Variants in NNT observed in about 807,000 individuals in gnomAD.
NNT encodes the protein NAD(P) transhydrogenase, mitochondrial.
Under a neutral mutation model 104.8 loss-of-function variants are expected in NNT, and 50 were observed. That is an observed-to-expected ratio of 0.48 (90% CI 0.38 to 0.60). NNT has a LOEUF of 0.60. Among genes scored for constraint, NNT ranks in the 20% least tolerant of loss-of-function variants. The pLI, the probability that NNT is intolerant of heterozygous loss-of-function variation, is 0.00. For missense variants in NNT, 1,131 were observed against 1,330.7 expected, an observed-to-expected ratio of 0.85 and a Z score of 2.33; for synonymous variants, 461 against 490.4, an observed-to-expected ratio of 0.94 and a Z score of 0.79.
In NNT at chr5:43,605,271, CT is replaced by C. The variant is rs545839220; in HGVS notation, c.-54+1980del. On this transcript the variant is annotated intron_variant, in intron 1 of 21. Transcript: ENST00000344920. ...GTGGCTCACGCCTGTAATCCCAGCACTTTGGGAGGCCGAGGCGGGTGGATCA... is the reference window on the plus strand; with the variant it reads ...GTGGCTCACGCCTGTAATCCCAGCACTTGGGAGGCCGAGGCGGGTGGATCA... 3.3e-5 allele frequency among the ~76,000 whole-genome samples: 5 copies of C among 151,638 alleles called. No individual in the cohort carries two copies. The South Asian group carries it at 1.0e-3, about 32-fold the overall frequency.
chr5:43,659,427 A>G, intron 17 of NNT, 77 bp downstream of exon 17: 2 of 1,244,726 alleles, frequency 1.6e-6, no homozygotes, highest in Non-Finnish European at 2.2e-6. Context: ...TTCTTTTATT[A>G]CCCATAAAAA....
chr5:43,621,623 TG>T (rs1433155293), intron 5 of NNT, among the ~76,000 whole-genome samples: 3 of 152,012 alleles, frequency 2.0e-5, no homozygotes, highest in Non-Finnish European at 2.9e-5. Flanking sequence ...CAGGCTGATC[TG>T]GAACTCCTGA....
chr5:43,662,058 G>A (rs1030927385), intron 17 of NNT, among the ~76,000 whole-genome samples: 9 of 152,178 alleles, frequency 5.9e-5, no homozygotes, highest in African/African-American at 2.2e-4. Context: ...TGCTGATATG[G>A]GGAGAGGAGG....
chr5:43,670,381 C>A (rs1218193059), intron 17 of NNT, among the ~76,000 whole-genome samples: 2 of 152,084 alleles, frequency 1.3e-5, no homozygotes, highest in African/African-American at 2.4e-5. Context: ...GTTAGGGTGT[C>A]AATTTTAGAT....
intron 17 of NNT, among the ~76,000 whole-genome samples, chr5:43,663,054 A>G (rs1740454777): frequency 6.6e-6 from 1 of 152,152 alleles, no homozygotes; most frequent in Admixed American, 6.5e-5. Context: ...AATACATTCT[A>G]TTTAATATAT....
rs1447474416 is a variant in NNT at position 43,655,960 on chromosome 5, C to G, written c.2180C>G (p.Pro727Arg). ...ATAGCTGAGTACATTATAGAATATC[C>G]ACATTTTGCTACGGATGCAGCAGCA... is the stretch of plus-strand genomic sequence containing the variant. ...TCIAEYIIEY[P>R]HFATDAAANL... The change falls in exon 15 of 22, where the codon CCA becomes CGA. Residue 727 changes from proline to arginine, a missense_variant. Coordinates refer to ENST00000344920, the MANE Select transcript of NNT (RefSeq NM_182977.3). The G allele has an allele frequency of 1.9e-6, 3 of 1,614,134 alleles. No individual in the cohort carries two copies. Among genetic ancestry groups the G allele is most frequent in the Non-Finnish European group, 8.5e-7 (1 of 1,180,022 alleles).
chr5:43,698,852 GCACA>G (rs994742046), intron 19 of NNT, among the ~76,000 whole-genome samples: 2 of 147,508 alleles, frequency 1.4e-5, no homozygotes, highest in African/African-American at 2.5e-5. Flanking sequence ...GCACACACAT[GCACA>G]CACACACATA....
chr5:43,676,331 T>A (rs759512488), intron 18 of NNT, among the ~76,000 whole-genome samples: 3 of 152,244 alleles, frequency 2.0e-5, no homozygotes, highest in African/African-American at 7.2e-5. Context: ...AGATTTTAAC[T>A]CTATCATGTT....
intron 7 of NNT, among the ~76,000 whole-genome samples, chr5:43,641,033 C>T (rs1275555240): frequency 6.6e-6 from 1 of 151,762 alleles, no homozygotes; most frequent in East Asian, 1.9e-4. Context: ...TAATTCTTAT[C>T]TTTCTAGAGT....
chr5:43,706,782 A>G lies in NNT; in HGVS notation c.*2378A>G, dbSNP rs1005974583. On this transcript the variant is annotated 3_prime_UTR_variant, in exon 22 of 22. Transcript: ENST00000344920. ...GTGCACATATACACCATGGAATACT[A>G]TGCAGCCATAAAAAAGGATGAGTTC... 14 of 152,252 alleles carry G rather than the reference A, an allele frequency of 9.2e-5. No individual in the cohort carries two copies. The highest frequency in any genetic ancestry group is 6.5e-4 in the Admixed American group (10 of 15,288). The allele number at this position is 152,252 out of a possible 1,614,324, so 9.4% of individuals were successfully genotyped here. A position where few individuals can be genotyped will look rare whatever the true frequency, so the allele number is the denominator to read the frequency against.
chr5:43,696,123 C>T (rs896061892), intron 19 of NNT, among the ~76,000 whole-genome samples: 2 of 152,152 alleles, frequency 1.3e-5, no homozygotes, highest in African/African-American at 4.8e-5. Flanking sequence ...AGTCCAAAGT[C>T]TCATATGAGA....
intron 6 of NNT, among the ~76,000 whole-genome samples, chr5:43,626,117 C>G (rs949808347): frequency 2.6e-5 from 4 of 151,590 alleles, no homozygotes; most frequent in Admixed American, 2.0e-4. Flanking sequence ...GCCCTCTATC[C>G]ATGTTCTATT....
chr5:43,649,715 C>A (rs1739652601), intron 11 of NNT, among the ~76,000 whole-genome samples: 2 of 152,094 alleles, frequency 1.3e-5, no homozygotes, highest in Admixed American at 1.3e-4. Context: ...TACAATAGGC[C>A]CCATGTGGCA....
At chr5:43,677,664 G>A (rs1304890187) in intron 18 of NNT, 61 bp from the exon 19 acceptor site, 8 of 1,407,810 alleles carry the variant, frequency 5.7e-6, no homozygotes, top group Non-Finnish European at 8.0e-6. Context: ...GAGAGAAGTT[G>A]TACTTCATGT....
At chr5:43,655,753 T>C in intron 14 of NNT, 87 bp from the exon 15 acceptor site, 1 of 888,590 alleles carries the variant, frequency 1.1e-6, no homozygotes, top group South Asian at 1.5e-5. Context: ...TTTGTGACAA[T>C]GGTGGAAATC....
chr5:43,625,123 C>T (rs752156418), intron 6 of NNT, among the ~76,000 whole-genome samples: 4 of 152,008 alleles, frequency 2.6e-5, no homozygotes, highest in African/African-American at 7.2e-5. Flanking sequence ...TTTATTTTTA[C>T]TGTTTGTTGA....
chr5:43,613,314 C>A, intron 3 of NNT, 177 bp downstream of exon 3: 1 of 579,122 alleles, frequency 1.7e-6, no homozygotes, highest in East Asian at 2.8e-5. Context: ...AAACTTTTAT[C>A]AGACAATATG....
chr5:43,680,120 GATC>G (rs1483983197), intron 19 of NNT, among the ~76,000 whole-genome samples: 1 of 151,870 alleles, frequency 6.6e-6, no homozygotes, highest in African/African-American at 2.4e-5. Flanking sequence ...TATGACAGCA[GATC>G]ATCATATTTT....
chr5:43,656,362 G>A (rs1003215818), intron 15 of NNT, among the ~76,000 whole-genome samples: 6 of 152,062 alleles, frequency 3.9e-5, no homozygotes, highest in Non-Finnish European at 5.9e-5. Context: ...AAGAGTATTC[G>A]TATAGCACTC....
Sources: gnomAD v4.1 joint callset for allele counts (sites outside exome capture counted in the v4.1 genomes callset) on GRCh38, gnomAD v4.1.1 for gene constraint, MANE v1.5 for transcripts, NCBI Gene and HGNC (gene_info 2026-07-23, HGNC 2026-07-21) for gene names.